The following ERBB4 variants were observed in gnomAD, a reference collection of about 807,000 sequenced individuals.
ERBB4 encodes the protein erb-b2 receptor tyrosine kinase 4, also known as receptor tyrosine-protein kinase erbB-4.
In ERBB4, 42 loss-of-function variants were observed where a neutral mutation model predicts 158.0. That is an observed-to-expected ratio of 0.27 (90% CI 0.21 to 0.34). The LOEUF (loss-of-function observed/expected upper bound fraction) is 0.34, where lower values mean the gene tolerates loss of function less well. Among genes scored for constraint, ERBB4 ranks in the 10% least tolerant of loss-of-function variants. The pLI is 1.00. For missense variants in ERBB4, 1,333 were observed against 1,624.1 expected, an observed-to-expected ratio of 0.82 and a Z score of 3.08; for synonymous variants, 583 against 558.7, an observed-to-expected ratio of 1.04 and a Z score of -0.61.
intron 4 of ERBB4, chr2:211,777,340 CA>C (rs1245980999): frequency 1.3e-5 from 2 of 152,170 alleles, no homozygotes; most frequent in Non-Finnish European, 2.9e-5. Context: ...TAACCAAACA[CA>C]ACTGCGTAAA....
At chr2:212,191,969 A>T (rs536595982) in intron 1 of ERBB4, among the ~76,000 whole-genome samples, 1 of 105,290 alleles carries the variant, frequency 9.5e-6, no homozygotes, top group African/African-American at 3.4e-5. Flanking sequence ...TATATATGTT[A>T]TATGTTATAT....
At chr2:212,196,106 C>T (rs559283914) in intron 1 of ERBB4, among the ~76,000 whole-genome samples, 103 of 152,204 alleles carry the variant, frequency 6.8e-4, no homozygotes, top group African/African-American at 2.2e-3. Flanking sequence ...AGTCAAAAAT[C>T]TATGGGTAAC....
intron 2 of ERBB4, among the ~76,000 whole-genome samples, chr2:211,984,798 C>T (rs1353947067): frequency 2.0e-5 from 3 of 152,122 alleles, no homozygotes; most frequent in Non-Finnish European, 4.4e-5. Flanking sequence ...CCTTGGCTCA[C>T]TGCAACCTCC....
intron 20 of ERBB4, among the ~76,000 whole-genome samples, chr2:211,442,037 C>A (rs1161712299): frequency 3.3e-5 from 5 of 152,022 alleles, no homozygotes; most frequent in Non-Finnish European, 2.9e-5. Flanking sequence ...TACACTGAAC[C>A]ACGTTTTCAC....
intron 19 of ERBB4, among the ~76,000 whole-genome samples, chr2:211,583,497 G>A (rs978094633): frequency 1.6e-5 from 2 of 124,752 alleles, no homozygotes; most frequent in African/African-American, 2.6e-5. Flanking sequence ...TGGAAGTATA[G>A]TAGAATAAAT....
intron 2 of ERBB4, among the ~76,000 whole-genome samples, chr2:211,986,307 C>T (rs2081936079): frequency 6.6e-6 from 1 of 152,156 alleles, no homozygotes; most frequent in African/African-American, 2.4e-5. Flanking sequence ...TTTGTGAAGA[C>T]AGCCCTAGGA....
chr2:212,238,479 T>G (rs760260318), intron 1 of ERBB4, among the ~76,000 whole-genome samples: 1 of 152,188 alleles, frequency 6.6e-6, no homozygotes, highest in African/African-American at 2.4e-5. Flanking sequence ...CTGCCTTCTG[T>G]GTTGATCTCG....
intron 3 of ERBB4, among the ~76,000 whole-genome samples, chr2:211,937,343 T>C (rs1208570568): frequency 6.6e-6 from 1 of 152,178 alleles, no homozygotes; most frequent in African/African-American, 2.4e-5. Flanking sequence ...ACTTTTAACA[T>C]GAACTGGGGA....
intron 1 of ERBB4, among the ~76,000 whole-genome samples, chr2:212,192,083 ATATATATTATATAAGT>A (rs2082285529): frequency 9.7e-6 from 1 of 103,396 alleles, no homozygotes; most frequent in South Asian, 3.5e-4. Flanking sequence ...TATATATATT[ATATATATTATATAAGT>A]TATATATTAT....
At chr2:211,720,160 G>C (rs1211717823) in intron 7 of ERBB4, among the ~76,000 whole-genome samples, 2 of 152,184 alleles carry the variant, frequency 1.3e-5, no homozygotes, top group African/African-American at 4.8e-5. Context: ...TGCATTTTTA[G>C]TAGCATAATA....
At chr2:212,016,530 G>T (rs2076533446) in intron 2 of ERBB4, among the ~76,000 whole-genome samples, 1 of 151,950 alleles carries the variant, frequency 6.6e-6, no homozygotes, top group African/African-American at 2.4e-5. Context: ...AATCTAGTAT[G>T]AAATATTAGT....
At chr2:211,583,075 A>T (rs1245355322) in intron 19 of ERBB4, among the ~76,000 whole-genome samples, 1 of 152,112 alleles carries the variant, frequency 6.6e-6, no homozygotes, top group Non-Finnish European at 1.5e-5. Context: ...TTATTGAATG[A>T]TTTAAATGGC....
chr2:211,696,094 C>T (rs1559428112), intron 12 of ERBB4, among the ~76,000 whole-genome samples: 1 of 131,900 alleles, frequency 7.6e-6, no homozygotes, highest in African/African-American at 2.9e-5. Flanking sequence ...TTCTTCCTCT[C>T]TCTCTTTCTT....
intron 1 of ERBB4, among the ~76,000 whole-genome samples, chr2:212,217,219 C>T (rs1334869335): frequency 6.6e-6 from 1 of 151,312 alleles, no homozygotes; most frequent in Non-Finnish European, 1.5e-5. Context: ...TGTACAAGCC[C>T]TATATCACAA....
intron 1 of ERBB4, among the ~76,000 whole-genome samples, chr2:212,204,980 G>A (rs559004893): frequency 7.9e-5 from 12 of 151,368 alleles, no homozygotes; most frequent in South Asian, 4.2e-4. Context: ...CACCACGCCC[G>A]GCTAGTTTTG....
chr2:212,435,328 G>T (rs2092114411), intron 1 of ERBB4, among the ~76,000 whole-genome samples: 2 of 151,932 alleles, frequency 1.3e-5, no homozygotes, highest in African/African-American at 2.4e-5. Context: ...CGGAGTTGTT[G>T]TCACTCTCTG....
At chr2:212,507,416 T>C (rs1279359815) in intron 1 of ERBB4, among the ~76,000 whole-genome samples, 1 of 152,214 alleles carries the variant, frequency 6.6e-6, no homozygotes, top group Non-Finnish European at 1.5e-5. Flanking sequence ...TTCATAAGGC[T>C]GTACCTGCCA....
Position 212,018,354 on chromosome 2 carries a change from T to C in ERBB4, c.235-70738A>G, listed in dbSNP as rs569824262. 3.9e-5 allele frequency among the ~76,000 whole-genome samples: 6 copies of C among 152,272 alleles called. No homozygotes were observed. The South Asian group carries it at 1.0e-3, about 26-fold the overall frequency. On this transcript the variant is annotated intron_variant, in intron 2 of 27. Coordinates refer to ENST00000342788, the MANE Select transcript of ERBB4 (RefSeq NM_005235.3). ...TTTTGGATAGCCCGGAGTGCTCCAT[T>C]TCCCAGTATTCCTGGGGGATATGAC...
intron 5 of ERBB4, among the ~76,000 whole-genome samples, chr2:211,736,535 G>C (rs180735463): frequency 1.3e-5 from 2 of 152,226 alleles, no homozygotes; most frequent in Admixed American, 1.3e-4. Flanking sequence ...TAGAGAAACC[G>C]ATCTCTGTGC....
Sources: allele counts gnomAD v4.1 joint callset (sites outside exome capture counted in the v4.1 genomes callset), GRCh38; gene constraint gnomAD v4.1.1; transcripts MANE v1.5; gene names NCBI Gene and HGNC (gene_info 2026-07-23, HGNC 2026-07-21).